Variants in IL31RA observed in about 807,000 individuals in gnomAD.
IL31RA encodes interleukin-31 receptor subunit alpha.
IL31RA carries 66 observed loss-of-function variants against 83.7 expected under a neutral mutation model. That is an observed-to-expected ratio of 0.79 (90% CI 0.65 to 0.97). The LOEUF (loss-of-function observed/expected upper bound fraction) is 0.97, where lower values mean the gene tolerates loss of function less well. Among genes scored for constraint, IL31RA ranks in the 50% least tolerant of loss-of-function variants. The pLI is 0.00. For missense variants in IL31RA, 798 were observed against 919.4 expected (o/e 0.87, Z 1.71); for synonymous variants, 325 against 329.0 (o/e 0.99, Z 0.13).
At chr5:55,910,172 A>T (rs577900479) in intron 11 of IL31RA, among the ~76,000 whole-genome samples, 10 of 152,292 alleles carry the variant, frequency 6.6e-5, no homozygotes, top group African/African-American at 2.4e-4. Flanking sequence ...TCTTTGGATT[A>T]TCTTTTCATT....
chr5:55,853,692 G>A (rs1409954742), intron 1 of IL31RA: 42 of 922,452 alleles, frequency 4.6e-5, no homozygotes, highest in Non-Finnish European at 6.9e-5. Context: ...TCCTTGAACT[G>A]GTTGTTGATA....
intron 2 of IL31RA, among the ~76,000 whole-genome samples, chr5:55,860,572 C>T (rs1019695477): frequency 4.6e-5 from 7 of 152,050 alleles, no homozygotes; most frequent in South Asian, 2.1e-4. Context: ...AATACACATA[C>T]ATAAATACAA....
At chr5:55,902,254 A>C (rs769197483) in intron 8 of IL31RA, 14 of 152,196 alleles carry the variant, frequency 9.2e-5, no homozygotes, top group Non-Finnish European at 1.9e-4. Context: ...CCTAGCCCAC[A>C]AAACCTAAAA....
rs543032629 is a variant in IL31RA at position 55,852,890 on chromosome 5, G to A, written c.63+1257G>A. Among the ~76,000 whole-genome samples, 12 of 152,302 alleles carry A rather than the reference G, an allele frequency of 7.9e-5. No individual in the cohort carries two copies. The East Asian group carries it at 2.1e-3, about 27-fold the overall frequency. ...ATAAAGTGGGAATAAAAATACTCCT[G>A]ATGTTATAGGATTGTTGTGAAGATT... On this transcript the variant is annotated intron_variant, in intron 1 of 14. Coordinates refer to ENST00000652347, the MANE Select transcript of IL31RA (RefSeq NM_139017.7).
Position 55,851,577 on chromosome 5 carries a change from A to C in IL31RA, c.7A>C (p.Ile3Leu), listed in dbSNP as rs75528518. ...TGTTCCACCTCAGCTGGGAATGTGC[A>C]TCAGGCAACTCAAGTTTTTCACCAC... Reference protein sequence around the residue: MCIRQLKFFTTAC... With the variant: MCLRQLKFFTTAC... The change falls in exon 1 of 15, where the codon ATC becomes CTC. Residue 3 changes from isoleucine to leucine, a missense_variant. Physicochemically the swap from Ile to Leu is conservative, Grantham distance 5 (BLOSUM62 2). Transcript: ENST00000652347. The C allele has an allele frequency of 4.1e-5, 66 of 1,613,928 alleles. No homozygotes were observed. Among genetic ancestry groups the C allele is most frequent in the Non-Finnish European group, 5.3e-5 (62 of 1,179,922 alleles).
intron 2 of IL31RA, among the ~76,000 whole-genome samples, chr5:55,863,145 G>A (rs2112322814): frequency 6.6e-6 from 1 of 152,298 alleles, no homozygotes; most frequent in South Asian, 2.1e-4. Context: ...GTCTAACATT[G>A]TTGATTTGGT....
chr5:55,892,247 G>A (rs775222464), intron 6 of IL31RA, among the ~76,000 whole-genome samples: 3 of 152,136 alleles, frequency 2.0e-5, no homozygotes, highest in Non-Finnish European at 4.4e-5. Flanking sequence ...TATAAGGGAT[G>A]TGAGTTTTAG....
chr5:55,871,454 A>AC (rs1746500645), intron 3 of IL31RA, among the ~76,000 whole-genome samples: 1 of 152,180 alleles, frequency 6.6e-6, no homozygotes, highest in African/African-American at 2.4e-5. Flanking sequence ...AACCATGTGG[A>AC]CTATAGCTAG....
chr5:55,917,027 A>C lies in IL31RA; in HGVS notation c.2202A>C (p.Glu734Asp), dbSNP rs764541117. The change falls in exon 15 of 15, where the codon GAA (glutamate) becomes GAC (aspartate). Residue 734 changes from glutamate (E) to aspartate (D), a missense_variant. Coordinates refer to ENST00000652347, the MANE Select transcript of IL31RA (RefSeq NM_139017.7). The part of the protein sequence containing the change: ...QSLVPDHLCE[E>D]GAPNPYLKNS... ...TAGTACCAGATCATCTGTGTGAGGA[A>C]GGAGCCCCAAATCCATATTTGAAAA... The C allele has an allele frequency of 1.9e-6, 3 of 1,614,032 alleles. No homozygotes were observed. In the Admixed American group the frequency reaches 5.0e-5, roughly 27 times the overall value.
rs544735425 is a variant in IL31RA at position 55,896,381 on chromosome 5, G to A, written c.804G>A (p.Leu268=). The change falls in exon 7 of 15, where the codon CTG becomes CTA. Residue 268 remains leucine (L), a synonymous_variant. Coordinates refer to ENST00000652347, the MANE Select transcript of IL31RA (RefSeq NM_139017.7). ...APCGLELWRV[L]KPAEADGRRP... is the part of the protein sequence containing the mutation. ...GTGGCCTGGAACTGTGGAGAGTCCT[G>A]AAACCAGCTGAGGCGGATGGAAGAA... The A allele has an allele frequency of 2.2e-5, 36 of 1,613,878 alleles. 1 individual carries two copies. The South Asian group carries it at 3.8e-4, about 17-fold the overall frequency.
At chr5:55,888,900 T>C (rs1747805983) in intron 5 of IL31RA, among the ~76,000 whole-genome samples, 1 of 152,220 alleles carries the variant, frequency 6.6e-6, no homozygotes, top group Non-Finnish European at 1.5e-5. Flanking sequence ...ATATCCTCCT[T>C]CTGCCCAATT....
chr5:55,906,733 G>A (rs1369947522), intron 9 of IL31RA, among the ~76,000 whole-genome samples: 1 of 152,122 alleles, frequency 6.6e-6, no homozygotes, highest in African/African-American at 2.4e-5. Context: ...TGCGAGTGAG[G>A]CTTTACTCTT....
chr5:55,894,202 C>T (rs161649), intron 6 of IL31RA, among the ~76,000 whole-genome samples: 69,145 of 151,438 alleles, frequency 0.46, 16,123 homozygotes, highest in South Asian at 0.54. Flanking sequence ...AGATTCTGCA[C>T]GTGAGAGATG....
At chr5:55,881,189 C>T (rs533486160) in intron 4 of IL31RA, among the ~76,000 whole-genome samples, 1 of 151,960 alleles carries the variant, frequency 6.6e-6, no homozygotes, top group East Asian at 1.9e-4. Flanking sequence ...GTAGTCCCAG[C>T]TACTAGGGGG....
intron 12 of IL31RA, among the ~76,000 whole-genome samples, chr5:55,912,581 A>G (rs1749559019): frequency 6.6e-6 from 1 of 152,124 alleles, no homozygotes; most frequent in Admixed American, 6.5e-5. Context: ...AGGATCACTC[A>G]AGGCCAGGAG....
At chr5:55,867,113 ATGTG>A (rs533803847) in intron 2 of IL31RA, among the ~76,000 whole-genome samples, 9,703 of 101,618 alleles carry the variant, frequency 0.095, 2,009 homozygotes, top group African/African-American at 0.23. Flanking sequence ...GTGTGTGTGC[ATGTG>A]TGTGTTTGTG....
intron 2 of IL31RA, among the ~76,000 whole-genome samples, chr5:55,863,985 C>T (rs1392554409): frequency 5.3e-5 from 8 of 152,034 alleles, no homozygotes; most frequent in Non-Finnish European, 1.5e-5. Context: ...TCTATTCCTC[C>T]ATTGATATCT....
At chr5:55,874,381 G>A (rs935241146) in intron 4 of IL31RA, among the ~76,000 whole-genome samples, 1 of 152,060 alleles carries the variant, frequency 6.6e-6, no homozygotes, top group Non-Finnish European at 1.5e-5. Flanking sequence ...TGTTTTAGCT[G>A]TTGGGTCCCT....
At chr5:55,912,024 T>A (rs1561124854) in intron 12 of IL31RA, among the ~76,000 whole-genome samples, 1 of 152,212 alleles carries the variant, frequency 6.6e-6, no homozygotes, top group African/African-American at 2.4e-5. Flanking sequence ...TAAATTTTTT[T>A]AAAGCTGTAT....
Sources: allele counts gnomAD v4.1 joint callset (sites outside exome capture counted in the v4.1 genomes callset), GRCh38; gene constraint gnomAD v4.1.1; transcripts MANE v1.5; gene names NCBI Gene and HGNC (gene_info 2026-07-23, HGNC 2026-07-21).